MAPK4: variants seen among roughly 807,000 people sequenced by gnomAD.
MAPK4 encodes the protein Erk3-related.
Under a neutral mutation model 47.7 loss-of-function variants are expected in MAPK4, and 22 were observed. The observed-to-expected ratio is 0.46, with a 90% CI of 0.33 to 0.66. The LOEUF (loss-of-function observed/expected upper bound fraction) is 0.66. Ranked by LOEUF, MAPK4 falls within the 30% of genes least tolerant of loss-of-function variation. The pLI, the probability that MAPK4 is intolerant of heterozygous loss-of-function variation, is 0.02. For missense variants in MAPK4, 736 were observed against 831.7 expected (o/e 0.88, Z 1.42); for synonymous variants, 390 against 365.7 (o/e 1.07, Z -0.76).
intron 3 of MAPK4, 42 bp downstream of exon 3, chr18:50,715,265 G>A (rs372541922): frequency 6.1e-5 from 96 of 1,586,382 alleles, no homozygotes; most frequent in South Asian, 9.2e-5. Flanking sequence ...ATCTGGCGTC[G>A]TTCCATAGAA....
intron 2 of MAPK4, among the ~76,000 whole-genome samples, chr18:50,708,494 G>A (rs16952456): frequency 0.013 from 2,019 of 152,270 alleles, 36 homozygotes; most frequent in African/African-American, 0.043. Flanking sequence ...CATCTGAACC[G>A]CAACATCAGC....
In MAPK4 at chr18:50,729,726, G is replaced by A. The variant is rs1291247724; in HGVS notation, c.1636G>A (p.Ala546Thr). 6.3e-7 allele frequency: 1 copy of A among 1,591,702 alleles called. No individual in the cohort carries two copies. Among genetic ancestry groups the A allele is most frequent in the Admixed American group, 1.8e-5 (1 of 55,762 alleles). ...QFDLDVFISR[A>T]LKLCTKPEDL... is the part of the protein sequence containing the mutation. ...CGACCTGGACGTGTTCATCTCCCGC[G>A]CCCTGAAGCTCTGCACCAAGCCCGA... Residue 546 changes from alanine (A) to threonine (T), a missense_variant, in exon 6 of 6, where the codon GCC becomes ACC. Ala to Thr is a moderately conservative substitution (Grantham distance 58). This residue lies in a region of MAPK4 where 377 missense variants were observed against 378.6 expected (regional missense o/e 1.00). Transcript: ENST00000400384.
intron 2 of MAPK4, among the ~76,000 whole-genome samples, chr18:50,672,845 C>T (rs1381048764): frequency 6.6e-6 from 1 of 152,192 alleles, no homozygotes; most frequent in Non-Finnish European, 1.5e-5. Flanking sequence ...AGTCAGCTTG[C>T]AGTATTTCAT....
At chr18:50,725,768 A>T (rs918681549) in intron 4 of MAPK4, among the ~76,000 whole-genome samples, 194 bp from the exon 5 acceptor site, 2 of 152,196 alleles carry the variant, frequency 1.3e-5, no homozygotes, top group Non-Finnish European at 2.9e-5. Flanking sequence ...TCATTTACAA[A>T]ATCTAGAAGG....
At chr18:50,602,509 T>C (rs575672622) in intron 1 of MAPK4, among the ~76,000 whole-genome samples, 5 of 152,322 alleles carry the variant, frequency 3.3e-5, no homozygotes, top group African/African-American at 1.2e-4. Context: ...TTAAAATATT[T>C]CCACATTAAA....
chr18:50,657,149 A>G (rs2043118536), intron 1 of MAPK4, among the ~76,000 whole-genome samples: 1 of 152,066 alleles, frequency 6.6e-6, no homozygotes, highest in African/African-American at 2.4e-5. Flanking sequence ...TGGGAAGGAA[A>G]CCTTTTCCCT....
At chr18:50,641,889 T>C (rs3867260) in intron 1 of MAPK4, among the ~76,000 whole-genome samples, 30,194 of 152,182 alleles carry the variant, frequency 0.2, 3,402 homozygotes, top group African/African-American at 0.3. Flanking sequence ...GTTCAATAAC[T>C]GTTAGAAGTT....
chr18:50,606,276 G>A (rs1437649), intron 1 of MAPK4, among the ~76,000 whole-genome samples: 35,244 of 151,892 alleles, frequency 0.23, 4,078 homozygotes, highest in South Asian at 0.31. Context: ...TATAGACCAG[G>A]TGAAAGGGGC....
At position 50,663,770 on chromosome 18, in the gene MAPK4, T is replaced by G; in HGVS notation, c.-189T>G. On this transcript the variant is annotated 5_prime_UTR_variant, in exon 2 of 6. Coordinates refer to ENST00000400384, the MANE Select transcript of MAPK4 (RefSeq NM_002747.4). Reference sequence around the variant, plus strand: ...AGCCTGCGCCCCCAACTAGCACAGCTCAGCGAGCATGACCATATGCCATTC... The same window carrying G: ...AGCCTGCGCCCCCAACTAGCACAGCGCAGCGAGCATGACCATATGCCATTC... The G allele has an allele frequency of 1.8e-6, 1 of 565,686 alleles. No homozygotes were observed. The highest frequency in any genetic ancestry group is 2.4e-5 in the South Asian group (1 of 41,522). The allele number at this position is 565,686 out of a possible 1,614,324, so 35.0% of individuals were successfully genotyped here.
In MAPK4 at chr18:50,730,345, A is replaced by C. The variant is rs183090695; in HGVS notation, c.*491A>C. 2.8e-3 allele frequency: 438 copies of C among 153,780 alleles called. 2 individuals are homozygous for C. The highest frequency in any genetic ancestry group is 3.3e-3 in the Non-Finnish European group (225 of 68,758). 9.5% of individuals were successfully genotyped at this position (153,780 alleles called of 1,614,324 possible). ...CTGGCCCCCAGGCCAGGGTCTGTCC[A>C]CCATAGAATGTCTTCCTCTACTGGG... On this transcript the variant is annotated 3_prime_UTR_variant, in exon 6 of 6. Coordinates refer to ENST00000400384, the MANE Select transcript of MAPK4 (RefSeq NM_002747.4).
rs566794814 is a variant in MAPK4 at position 50,645,614 on chromosome 18, C to G, written c.-870-17475C>G. ...TTCTGACCTCAAAAGGAAACAGAGC[C>G]GGAGAAGGGCAGTCCCTTGTCAAGG... On this transcript the variant is annotated intron_variant, in intron 1 of 5. Transcript: ENST00000400384. Among the ~76,000 whole-genome samples the G allele has an allele frequency of 6.9e-4, 105 of 152,168 alleles. 1 individual carries two copies. The highest frequency in any genetic ancestry group is 2.4e-3 in the African/African-American group (100 of 41,522).
At chr18:50,627,481 G>T (rs1268560122) in intron 1 of MAPK4, among the ~76,000 whole-genome samples, 1 of 152,204 alleles carries the variant, frequency 6.6e-6, no homozygotes, top group African/African-American at 2.4e-5. Context: ...GGCTGCAGCT[G>T]TTTCCCACTC....
chr18:50,700,347 A>G (rs1279692757), intron 2 of MAPK4, among the ~76,000 whole-genome samples: 3 of 152,244 alleles, frequency 2.0e-5, no homozygotes, highest in African/African-American at 4.8e-5. Context: ...AGTTAGAAGT[A>G]AATCAAACAA....
chr18:50,715,017 G>T, intron 2 of MAPK4, 62 bp from the exon 3 acceptor site: 1 of 1,539,708 alleles, frequency 6.5e-7, no homozygotes, highest in Non-Finnish European at 8.9e-7. Context: ...AACTGGAAGA[G>T]GCGTGGGAGG....
intron 1 of MAPK4, among the ~76,000 whole-genome samples, chr18:50,607,417 C>A (rs2149375457): frequency 6.6e-6 from 1 of 152,298 alleles, no homozygotes; most frequent in East Asian, 1.9e-4. Flanking sequence ...GCCTCAGGTC[C>A]AGGCCTTTGG....
At chr18:50,610,180 AG>A (rs1286998367) in intron 1 of MAPK4, among the ~76,000 whole-genome samples, 1 of 152,198 alleles carries the variant, frequency 6.6e-6, no homozygotes, top group Admixed American at 6.5e-5. Context: ...GCCTACCCTG[AG>A]GTAACATAGA....
intron 3 of MAPK4, among the ~76,000 whole-genome samples, chr18:50,716,189 ACT>A (rs567242519): frequency 2.0e-5 from 3 of 150,548 alleles, no homozygotes; most frequent in Non-Finnish European, 3.0e-5. Context: ...TTCTCTCCTC[ACT>A]CTGCAGCATG....
chr18:50,642,852 A>G (rs931178041), intron 1 of MAPK4, among the ~76,000 whole-genome samples: 4 of 152,160 alleles, frequency 2.6e-5, no homozygotes, highest in Admixed American at 1.3e-4. Flanking sequence ...TAATCCGCCC[A>G]CCTTGGCCTC....
chr18:50,668,994 G>A (rs565568737), intron 2 of MAPK4, among the ~76,000 whole-genome samples: 3 of 152,322 alleles, frequency 2.0e-5, no homozygotes, highest in African/African-American at 7.2e-5. Flanking sequence ...GCATTCAGAT[G>A]TACGCAGGGC....
Sources: allele counts gnomAD v4.1 joint callset (sites outside exome capture counted in the v4.1 genomes callset), GRCh38; gene constraint gnomAD v4.1.1; regional missense constraint gnomAD v4.1.1; transcripts MANE v1.5; gene names NCBI Gene and HGNC (gene_info 2026-07-23, HGNC 2026-07-21).